The following MORN1 variants were observed in gnomAD, a reference collection of about 807,000 sequenced individuals.
The protein encoded by MORN1 is MORN repeat containing 1.
MORN1 carries 67 observed loss-of-function variants against 61.9 expected under a neutral mutation model. The observed-to-expected ratio is 1.08, with a 90% CI of 0.89 to 1.33. MORN1 has a LOEUF of 1.33. Among genes scored for constraint, MORN1 ranks in the 40% most tolerant of loss-of-function variants. MORN1 has a pLI of 0.00. For missense variants in MORN1, 752 were observed against 691.2 expected, an observed-to-expected ratio of 1.09 and a Z score of -0.99; for synonymous variants, 301 against 292.0, an observed-to-expected ratio of 1.03 and a Z score of -0.31.
Position 2,391,444 on chromosome 1 carries a change from C to T in MORN1, c.76+14G>A. The T allele has an allele frequency of 2.4e-6, 3 of 1,256,778 alleles. No individual in the cohort carries two copies. The highest frequency in any genetic ancestry group is 3.0e-6 in the Non-Finnish European group (3 of 993,070). The allele number at this position is 1,256,778 out of a possible 1,614,324, so 77.9% of individuals were successfully genotyped here. On this transcript the variant is annotated intron_variant, in intron 1 of 13. Transcript: ENST00000378531. The stretch of plus-strand genomic sequence containing the variant: ...GGGCAGCCAGCGACCTGTCCCGTGG[C>T]CCGCAGTCGTTACCGTTCCGGGGCG...
chr1:2,328,767 C>T (rs1183223149), intron 12 of MORN1, among the ~76,000 whole-genome samples: 4 of 152,326 alleles, frequency 2.6e-5, no homozygotes, highest in East Asian at 1.9e-4. Flanking sequence ...TGGGTGCAGA[C>T]GCCAGCCCCA....
At position 2,354,725 on chromosome 1, in the gene MORN1, G is replaced by T. The variant is rs184892979; in HGVS notation, c.1036+2707C>A. Among the ~76,000 whole-genome samples, 187 of 152,268 alleles carry T rather than the reference G, an allele frequency of 1.2e-3. 1 individual carries two copies. The highest frequency in any genetic ancestry group is 4.4e-3 in the African/African-American group (182 of 41,556). On this transcript the variant is annotated intron_variant, in intron 10 of 13. Coordinates refer to ENST00000378531, the MANE Select transcript of MORN1 (RefSeq NM_024848.3). Reference sequence around the variant, plus strand: ...CACTCAGTCATCCGTCCTTGGGGTGGACGCTGCTGTTGCCCTCCCTTTATG... The same window carrying T: ...CACTCAGTCATCCGTCCTTGGGGTGTACGCTGCTGTTGCCCTCCCTTTATG...
chr1:2,367,695 C>T (rs1010906996), intron 8 of MORN1, among the ~76,000 whole-genome samples: 12 of 151,884 alleles, frequency 7.9e-5, no homozygotes, highest in East Asian at 3.9e-4. Flanking sequence ...GGCGTGATCT[C>T]GGCTCACTGC....
chr1:2,361,657 T>C (rs1440660026), intron 8 of MORN1, among the ~76,000 whole-genome samples: 2 of 152,184 alleles, frequency 1.3e-5, no homozygotes, highest in Non-Finnish European at 2.9e-5. Flanking sequence ...CTGGATGTGA[T>C]TCACAACAGG....
At chr1:2,374,360 C>G in intron 7 of MORN1, 101 bp downstream of exon 7, 1 of 973,294 alleles carries the variant, frequency 1.0e-6, no homozygotes, top group African/African-American at 1.6e-5. Flanking sequence ...CACCCCTCCC[C>G]AGTGTGCTCT....
intron 12 of MORN1, among the ~76,000 whole-genome samples, chr1:2,333,797 C>T (rs1221454447): frequency 6.6e-6 from 1 of 152,266 alleles, no homozygotes; most frequent in Non-Finnish European, 1.5e-5. Context: ...AGGACCCTGC[C>T]TGGAACCACT....
In MORN1 at chr1:2,388,157, T is replaced by C. The variant is rs890759575; in HGVS notation, c.247+82A>G. 4 of 1,100,368 alleles carry C rather than the reference T, an allele frequency of 3.6e-6. No individual in the cohort carries two copies. In the African/African-American group the frequency reaches 6.2e-5, roughly 17 times the overall value. 68.2% of individuals were successfully genotyped at this position (1,100,368 alleles called of 1,614,324 possible). Reference sequence around the variant, plus strand: ...AAGCTTCCCGTCTACACGTCACGCCTTCTGCATCTAGACTCGGCGGACCAA... The same window carrying C: ...AAGCTTCCCGTCTACACGTCACGCCCTCTGCATCTAGACTCGGCGGACCAA... On this transcript the variant is annotated intron_variant, in intron 3 of 13. Coordinates refer to ENST00000378531, the MANE Select transcript of MORN1 (RefSeq NM_024848.3).
rs1641280749 is a variant in MORN1, at chr1:2,336,449, G to T, written c.1250+20C>A. Reference sequence around the variant, plus strand: ...CAGCTGACCCTCCGAACACCTGCAGGTGGGGTGGGCTCATCCTACCTGCTG... The same window carrying T: ...CAGCTGACCCTCCGAACACCTGCAGTTGGGGTGGGCTCATCCTACCTGCTG... On this transcript the variant is annotated intron_variant, in intron 12 of 13. Coordinates refer to ENST00000378531, the MANE Select transcript of MORN1 (RefSeq NM_024848.3). The T allele has an allele frequency of 6.2e-7, 1 of 1,607,910 alleles. No individual in the cohort carries two copies. The highest frequency in any genetic ancestry group is 1.1e-5 in the South Asian group (1 of 90,888).
rs1283171344 is a variant in MORN1, at chr1:2,321,688, C to T, written c.1298-109G>A. On this transcript the variant is annotated intron_variant, in intron 13 of 13. Coordinates refer to ENST00000378531, the MANE Select transcript of MORN1 (RefSeq NM_024848.3). ...TGCCCGCTGGCCCCTGTGCCCCCGACCCTGGTCATCTCTGCCTGGGTTCTG... is the reference window on the plus strand; with the variant it reads ...TGCCCGCTGGCCCCTGTGCCCCCGATCCTGGTCATCTCTGCCTGGGTTCTG... The T allele has an allele frequency of 1.0e-5, 14 of 1,338,238 alleles. No homozygotes were observed. The Admixed American group carries it at 1.7e-4, about 16-fold the overall frequency. The allele number at this position is 1,338,238 out of a possible 1,614,324, so 82.9% of individuals were successfully genotyped here.
chr1:2,388,083 T>C, intron 3 of MORN1, 156 bp downstream of exon 3: 1 of 603,920 alleles, frequency 1.7e-6, no homozygotes, highest in South Asian at 2.0e-5. Flanking sequence ...CCACAGAGCC[T>C]CAGTCAGGTC....
At chr1:2,385,565 G>A in intron 5 of MORN1, 1 of 268,216 alleles carries the variant, frequency 3.7e-6, no homozygotes, top group South Asian at 5.3e-5. Context: ...GGGGGGGGAT[G>A]TTTTATCTAA....
At chr1:2,387,618 C>T (rs990162229) in intron 3 of MORN1, 89 bp from the exon 4 acceptor site, 36 of 884,670 alleles carry the variant, frequency 4.1e-5, no homozygotes, top group African/African-American at 4.9e-5. Context: ...GCCCATGACA[C>T]GCAGGAACCA....
At position 2,324,100 on chromosome 1, in the gene MORN1, G is replaced by A. The variant is rs747083608; in HGVS notation, c.1294C>T (p.Leu432=). Reference sequence around the variant, plus strand: ...GACTTGGGCCCTGTCCACCTACCTAGGTGTGCTGCCGCAGCCTGCTCCTCC... The same window carrying A: ...GACTTGGGCCCTGTCCACCTACCTAAGTGTGCTGCCGCAGCCTGCTCCTCC... The part of the protein sequence containing the change: ...ATEEQAAAAH[L]GEYVLMIRDV... Residue 432 remains leucine (L), a synonymous_variant, in exon 13 of 14, where the codon CTA becomes TTA. Transcript: ENST00000378531. 6.3e-6 allele frequency: 10 copies of A among 1,599,386 alleles called. No homozygotes were observed. Among genetic ancestry groups the A allele is most frequent in the Non-Finnish European group, 5.1e-6 (6 of 1,174,642 alleles).
chr1:2,367,245 G>A (rs541751022), intron 8 of MORN1, among the ~76,000 whole-genome samples: 3 of 150,066 alleles, frequency 2.0e-5, no homozygotes, highest in Non-Finnish European at 4.4e-5. Flanking sequence ...CACGAACAGG[G>A]ATGCAGAAAT....
intron 12 of MORN1, chr1:2,332,699 G>A (rs753989902): frequency 4.4e-6 from 2 of 456,550 alleles, no homozygotes; most frequent in Admixed American, 2.3e-5. Flanking sequence ...AATCTCGTCT[G>A]TGCCTCGAGA....
intron 10 of MORN1, among the ~76,000 whole-genome samples, chr1:2,354,977 C>A (rs528875656): frequency 8.5e-5 from 13 of 152,332 alleles, no homozygotes; most frequent in Middle Eastern, 3.4e-3. Context: ...TACGGCTGGA[C>A]ACTCACATCA....
chr1:2,341,750 C>G (rs933047967), intron 10 of MORN1, among the ~76,000 whole-genome samples: 1 of 152,156 alleles, frequency 6.6e-6, no homozygotes, highest in Non-Finnish European at 1.5e-5. Context: ...AAGTGCCCCC[C>G]AAAGGCATTA....
intron 10 of MORN1, among the ~76,000 whole-genome samples, chr1:2,340,568 C>T (rs1641374035): frequency 6.6e-6 from 1 of 152,226 alleles, no homozygotes; most frequent in South Asian, 2.1e-4. Context: ...TGCAGTGGGT[C>T]CCTAGGCCTC....
chr1:2,387,243 C>T, intron 4 of MORN1, 176 bp downstream of exon 4: 1 of 623,442 alleles, frequency 1.6e-6, no homozygotes, highest in Middle Eastern at 4.4e-4. Context: ...CTGGTGTATG[C>T]CGGGCATAGG....
Sources: gnomAD v4.1 joint callset for allele counts (sites outside exome capture counted in the v4.1 genomes callset) on GRCh38, gnomAD v4.1.1 for gene constraint, MANE v1.5 for transcripts, NCBI Gene and HGNC (gene_info 2026-07-23, HGNC 2026-07-21) for gene names.